The following SLC41A2 variants were observed in gnomAD, a reference collection of about 807,000 sequenced individuals.
SLC41A2 encodes SLC41A1-like 1.
In SLC41A2, 32 loss-of-function variants were observed where a neutral mutation model predicts 58.3. That is an observed-to-expected ratio of 0.55 (90% CI 0.41 to 0.74). The LOEUF (loss-of-function observed/expected upper bound fraction) is 0.74, where lower values mean the gene tolerates loss of function less well. Among genes scored for constraint, SLC41A2 ranks in the 30% least tolerant of loss-of-function variants. The pLI, the probability that SLC41A2 is intolerant of heterozygous loss-of-function variation, is 0.00. For synonymous variants in SLC41A2, 190 were observed against 235.0 expected (o/e 0.81, Z 1.75); for missense variants, 514 against 680.6 (o/e 0.76, Z 2.72).
At chr12:104,811,212 A>G (rs986272075) in intron 10 of SLC41A2, among the ~76,000 whole-genome samples, 2 of 152,188 alleles carry the variant, frequency 1.3e-5, no homozygotes, top group Non-Finnish European at 2.9e-5. Context: ...ATTCTTATAC[A>G]AGCATACTGA....
At chr12:104,838,673 C>T (rs943793208) in intron 10 of SLC41A2, among the ~76,000 whole-genome samples, 5 of 152,110 alleles carry the variant, frequency 3.3e-5, no homozygotes, top group African/African-American at 4.8e-5. Flanking sequence ...TCTATTAAAG[C>T]ACTTTCAAAG....
At chr12:104,813,325 A>T (rs887929064) in intron 10 of SLC41A2, among the ~76,000 whole-genome samples, 2 of 152,198 alleles carry the variant, frequency 1.3e-5, no homozygotes, top group Non-Finnish European at 2.9e-5. Flanking sequence ...GAGAAATGAC[A>T]TTTATAAGTC....
chr12:104,910,123 T>C (rs2046018565), intron 2 of SLC41A2, among the ~76,000 whole-genome samples: 1 of 152,232 alleles, frequency 6.6e-6, no homozygotes, highest in Non-Finnish European at 1.5e-5. Flanking sequence ...GACAATTGAT[T>C]TGAATCTTGC....
intron 1 of SLC41A2, among the ~76,000 whole-genome samples, chr12:104,950,082 C>T (rs955593698): frequency 1.1e-4 from 17 of 152,140 alleles, no homozygotes; most frequent in Non-Finnish European, 2.2e-4. Context: ...GAATGCCTGA[C>T]TATGGGGCTT....
chr12:104,840,325 G>A (rs1013543600), intron 10 of SLC41A2, among the ~76,000 whole-genome samples: 2 of 152,212 alleles, frequency 1.3e-5, no homozygotes, highest in Non-Finnish European at 2.9e-5. Context: ...AGTTTGTGGA[G>A]GAAAGTATAC....
chr12:104,843,712 A>G lies in SLC41A2; in HGVS notation c.1536+760T>C, dbSNP rs151126534. Among the ~76,000 whole-genome samples the G allele has an allele frequency of 5.6e-4, 85 of 150,794 alleles. No individual in the cohort carries two copies. In the East Asian group the frequency reaches 0.018, roughly 32 times the overall value. On this transcript the variant is annotated intron_variant, in intron 10 of 10. Transcript: ENST00000258538. ...TAGAAGAAAACAGATATTTTAAACAAATGAAGTTTTAATCTTTTCTTCCTC... is the reference window on the plus strand; with the variant it reads ...TAGAAGAAAACAGATATTTTAAACAGATGAAGTTTTAATCTTTTCTTCCTC...
chr12:104,859,010 A>G (rs1197090012), intron 8 of SLC41A2, among the ~76,000 whole-genome samples: 4 of 152,238 alleles, frequency 2.6e-5, no homozygotes, highest in Non-Finnish European at 4.4e-5. Flanking sequence ...TCTAACAGTC[A>G]TTATGAGTAA....
intron 10 of SLC41A2, among the ~76,000 whole-genome samples, chr12:104,820,772 A>G (rs1197261693): frequency 6.6e-6 from 1 of 152,014 alleles, no homozygotes; most frequent in East Asian, 1.9e-4. Context: ...CTTCCGAAGT[A>G]GGTAGGATTA....
chr12:104,933,676 T>TAC (rs552128299), intron 1 of SLC41A2, among the ~76,000 whole-genome samples: 16 of 148,876 alleles, frequency 1.1e-4, no homozygotes, highest in African/African-American at 3.5e-4. Context: ...AGAAAATAAA[T>TAC]ACACACACAC....
chr12:104,848,899 C>G (rs2042701441), intron 8 of SLC41A2, among the ~76,000 whole-genome samples: 1 of 141,632 alleles, frequency 7.1e-6, no homozygotes, highest in South Asian at 2.2e-4. Flanking sequence ...TTGATAACCA[C>G]ACACACACAC....
intron 8 of SLC41A2, among the ~76,000 whole-genome samples, chr12:104,856,768 G>C (rs1165115177): frequency 6.6e-6 from 1 of 151,816 alleles, no homozygotes; most frequent in Admixed American, 6.6e-5. Flanking sequence ...GACATTGTTA[G>C]AGATACGAAC....
intron 3 of SLC41A2, among the ~76,000 whole-genome samples, chr12:104,908,546 A>C (rs2045947874): frequency 6.6e-6 from 1 of 152,256 alleles, no homozygotes; most frequent in African/African-American, 2.4e-5. Flanking sequence ...AAAAAACTTT[A>C]TATACTAAAG....
At chr12:104,809,127 A>G (rs1296448885) in intron 10 of SLC41A2, among the ~76,000 whole-genome samples, 1 of 152,240 alleles carries the variant, frequency 6.6e-6, no homozygotes, top group Non-Finnish European at 1.5e-5. Context: ...GAATGTTCTG[A>G]GGATTAAATA....
chr12:104,833,409 C>T (rs1320697799), intron 10 of SLC41A2, among the ~76,000 whole-genome samples: 1 of 152,154 alleles, frequency 6.6e-6, no homozygotes, highest in Non-Finnish European at 1.5e-5. Context: ...GAACATTTGC[C>T]AGTTCCTGAA....
chr12:104,834,089 A>G, intron 10 of SLC41A2: 1 of 985,342 alleles, frequency 1.0e-6, no homozygotes, highest in East Asian at 1.1e-4. Context: ...CCAATGCCTC[A>G]CCTCACAGGA....
At chr12:104,843,198 T>C (rs2042477271) in intron 10 of SLC41A2, among the ~76,000 whole-genome samples, 1 of 152,046 alleles carries the variant, frequency 6.6e-6, no homozygotes, top group Non-Finnish European at 1.5e-5. Flanking sequence ...TAGTACATTA[T>C]AATTATTTTT....
intron 1 of SLC41A2, among the ~76,000 whole-genome samples, chr12:104,933,111 G>A (rs1382858454): frequency 6.6e-6 from 1 of 152,056 alleles, no homozygotes; most frequent in African/African-American, 2.4e-5. Context: ...CAGAATGGGA[G>A]AAAACATTTG....
At chr12:104,901,176 G>C (rs2045542019) in intron 3 of SLC41A2, among the ~76,000 whole-genome samples, 1 of 151,994 alleles carries the variant, frequency 6.6e-6, no homozygotes, top group Non-Finnish European at 1.5e-5. Flanking sequence ...ATTTGCTCCT[G>C]GGAAATAGTT....
chr12:104,954,491 C>G (rs553626400), intron 1 of SLC41A2, among the ~76,000 whole-genome samples: 1 of 152,178 alleles, frequency 6.6e-6, no homozygotes, highest in African/African-American at 2.4e-5. Context: ...TCCCAATAAG[C>G]GCCACTAAAA....
Sources: gnomAD v4.1 joint callset for allele counts (sites outside exome capture counted in the v4.1 genomes callset) on GRCh38, gnomAD v4.1.1 for gene constraint, MANE v1.5 for transcripts, NCBI Gene and HGNC (gene_info 2026-07-23, HGNC 2026-07-21) for gene names.